Variants in DNAH7 observed in about 807,000 individuals in gnomAD.
DNAH7 encodes the protein axonemal beta dynein heavy chain 7.
DNAH7 carries 397 observed loss-of-function variants against 444.6 expected under a neutral mutation model. The ratio of observed to expected loss-of-function variants is 0.89; its 90% CI spans 0.82 to 0.97. DNAH7 has a LOEUF of 0.97. DNAH7 is among the 50% of genes least tolerant of loss of function. DNAH7 has a pLI of 0.00. For missense variants in DNAH7, 4,902 were observed against 4,800.8 expected (o/e 1.02, Z -0.62); for synonymous variants, 1,636 against 1,624.4 (o/e 1.01, Z -0.17).
chr2:195,886,391 T>C, intron 33 of DNAH7, 119 bp from the exon 34 acceptor site: 1 of 891,480 alleles, frequency 1.1e-6, no homozygotes, highest in Non-Finnish European at 1.7e-6. Context: ...TTTAAATTCA[T>C]ACTACCTACG....
chr2:195,747,641 T>G (rs150794931), intron 63 of DNAH7, among the ~76,000 whole-genome samples: 13 of 152,150 alleles, frequency 8.5e-5, no homozygotes, highest in African/African-American at 2.9e-4. Context: ...TCCACCATGA[T>G]CAAGTGGGCT....
intron 21 of DNAH7, among the ~76,000 whole-genome samples, chr2:195,934,123 T>A (rs1459206836): frequency 2.0e-5 from 3 of 152,184 alleles, no homozygotes; most frequent in Non-Finnish European, 2.9e-5. Context: ...TTTCATGAAA[T>A]GTGGAAAATA....
chr2:195,980,474 C>T lies in DNAH7; in HGVS notation c.1833+4158G>A, dbSNP rs142995796. 8.6e-5 allele frequency among the ~76,000 whole-genome samples: 13 copies of T among 151,872 alleles called. 1 individual carries two copies. Among genetic ancestry groups the T allele is most frequent in the African/African-American group, 3.1e-4 (13 of 41,500 alleles). ...ATATCAGCATGAGAACAAACTAATG[C>T]AAGGAGGAAATACTTTCATCAAGCT... On this transcript the variant is annotated intron_variant, in intron 15 of 64. Transcript: ENST00000312428.
At chr2:195,924,801 C>G (rs925325539) in intron 22 of DNAH7, among the ~76,000 whole-genome samples, 6 of 152,080 alleles carry the variant, frequency 3.9e-5, no homozygotes, top group African/African-American at 1.4e-4. Flanking sequence ...AAGCTAATGC[C>G]AGTTCTGAAG....
At chr2:195,918,901 G>A (rs1355531763) in intron 24 of DNAH7, among the ~76,000 whole-genome samples, 1 of 152,112 alleles carries the variant, frequency 6.6e-6, no homozygotes, top group Non-Finnish European at 1.5e-5. Flanking sequence ...GTGGACTTTA[G>A]TTAACAGGCA....
At chr2:196,014,812 C>G (rs1175450444) in intron 9 of DNAH7, among the ~76,000 whole-genome samples, 1 of 152,100 alleles carries the variant, frequency 6.6e-6, no homozygotes, top group Admixed American at 6.6e-5. Flanking sequence ...TTGTAACTTT[C>G]AAAGTAGCAC....
intron 21 of DNAH7, among the ~76,000 whole-genome samples, chr2:195,933,601 G>A (rs1688846793): frequency 6.6e-6 from 1 of 152,060 alleles, no homozygotes; most frequent in Admixed American, 6.6e-5. Context: ...CCTTTGTAGG[G>A]ACATGGATGA....
At chr2:195,795,556 G>A (rs1031856185) in intron 56 of DNAH7, among the ~76,000 whole-genome samples, 5 of 152,222 alleles carry the variant, frequency 3.3e-5, no homozygotes, top group African/African-American at 1.2e-4. Context: ...AAGTTCAAAA[G>A]GCTAGAGCAT....
chr2:196,012,704 T>A lies in DNAH7; in HGVS notation c.989+83A>T, dbSNP rs1694792077. 7 of 1,366,716 alleles carry A rather than the reference T, an allele frequency of 5.1e-6. No homozygotes were observed. The East Asian group carries it at 1.7e-4, about 33-fold the overall frequency. The allele number at this position is 1,366,716 out of a possible 1,614,324, so 84.7% of individuals were successfully genotyped here. A position where few individuals can be genotyped will look rare whatever the true frequency, so the allele number is the denominator to read the frequency against. ...AATGATTTAAAACATTAAAATTGGA[T>A]CTTCTAAAAGCAGTTAAAATGCAGT... On this transcript the variant is annotated intron_variant, in intron 10 of 64. Coordinates refer to ENST00000312428, the MANE Select transcript of DNAH7 (RefSeq NM_018897.3).
intron 55 of DNAH7, among the ~76,000 whole-genome samples, chr2:195,798,736 CG>C (rs2106000085): frequency 6.6e-6 from 1 of 151,674 alleles, no homozygotes; most frequent in East Asian, 1.9e-4. Context: ...TTAGTAGAGA[CG>C]GGGTTTCACC....
intron 61 of DNAH7, among the ~76,000 whole-genome samples, chr2:195,757,767 C>A (rs914546861): frequency 6.6e-6 from 1 of 152,204 alleles, no homozygotes; most frequent in Non-Finnish European, 1.5e-5. Flanking sequence ...CAGACATACA[C>A]TGCACAATAC....
At chr2:195,923,266 C>T (rs1688132968) in intron 23 of DNAH7, among the ~76,000 whole-genome samples, 1 of 151,944 alleles carries the variant, frequency 6.6e-6, no homozygotes, top group South Asian at 2.1e-4. Flanking sequence ...CTGACTAGTC[C>T]CAACATTTTG....
At chr2:196,038,035 G>T (rs1330766744) in intron 5 of DNAH7, among the ~76,000 whole-genome samples, 1 of 151,654 alleles carries the variant, frequency 6.6e-6, no homozygotes, top group Non-Finnish European at 1.5e-5. Context: ...ACATATAAGG[G>T]AATAGCCAAC....
Position 195,737,879 on chromosome 2 carries a change from C to T in DNAH7, c.*42G>A, listed in dbSNP as rs72913263. 29,039 of 1,586,218 alleles carry T rather than the reference C, an allele frequency of 0.018. 311 individuals carry two copies. Among genetic ancestry groups the T allele is most frequent in the Non-Finnish European group, 0.022 (25,057 of 1,158,538 alleles). ...AGTAAAATATGCTTTCTCTACTCAG[C>T]CAGCCAACAAGAAATAGGAACAAGG... On this transcript the variant is annotated 3_prime_UTR_variant, in exon 65 of 65. Transcript: ENST00000312428.
chr2:196,025,681 C>G (rs1043442217), intron 7 of DNAH7, among the ~76,000 whole-genome samples: 1 of 152,158 alleles, frequency 6.6e-6, no homozygotes, highest in Non-Finnish European at 1.5e-5. Context: ...TGTTTCTTTC[C>G]TCTTTGGACT....
chr2:195,741,021 T>A (rs961625958), intron 63 of DNAH7, 152 bp from the exon 64 acceptor site: 3 of 338,466 alleles, frequency 8.9e-6, no homozygotes, highest in African/African-American at 6.4e-5. Flanking sequence ...TCCTGAGTGT[T>A]TTAACATCCA....
At chr2:195,901,836 T>A (rs4850644) in intron 27 of DNAH7, 1 of 152,148 alleles carries the variant, frequency 6.6e-6, no homozygotes, top group South Asian at 2.1e-4. Context: ...TTTTACAAAT[T>A]GTAAAGATAA....
chr2:196,040,894 A>G (rs944561061), intron 5 of DNAH7, among the ~76,000 whole-genome samples: 7 of 152,140 alleles, frequency 4.6e-5, no homozygotes, highest in African/African-American at 1.2e-4. Flanking sequence ...AAATCAACAT[A>G]CAAAACTCAG....
chr2:195,817,366 A>G (rs192643097), intron 50 of DNAH7, among the ~76,000 whole-genome samples: 142 of 152,340 alleles, frequency 9.3e-4, no homozygotes, highest in African/African-American at 3.4e-3. Flanking sequence ...ATTCATTCAT[A>G]CCATGCTCCA....
Sources: allele counts gnomAD v4.1 joint callset (sites outside exome capture counted in the v4.1 genomes callset), GRCh38; gene constraint gnomAD v4.1.1; transcripts MANE v1.5; gene names NCBI Gene and HGNC (gene_info 2026-07-23, HGNC 2026-07-21).